PCDH15: variants seen among roughly 807,000 people sequenced by gnomAD.
PCDH15 encodes protocadherin-15.
PCDH15 carries 129 observed loss-of-function variants against 178.5 expected under a neutral mutation model. The ratio of observed to expected loss-of-function variants is 0.72; its 90% CI spans 0.63 to 0.84. The LOEUF is 0.84. PCDH15 is among the 40% of genes least tolerant of loss of function. PCDH15 has a pLI of 0.00. For synonymous variants in PCDH15, 800 were observed against 732.0 expected, an observed-to-expected ratio of 1.09 and a Z score of -1.50; for missense variants, 2,230 against 2,099.9, an observed-to-expected ratio of 1.06 and a Z score of -1.21.
intron 28 of PCDH15, among the ~76,000 whole-genome samples, chr10:53,855,904 G>GTGTATATATATATATATATATATATATA (rs1554832765): frequency 5.5e-5 from 6 of 109,688 alleles, no homozygotes; most frequent in African/African-American, 1.9e-4. Flanking sequence ...AAGGTGATAT[G>GTGTATATATATATATATATATATATATA]TATATATATA....
intron 3 of PCDH15, among the ~76,000 whole-genome samples, chr10:54,849,191 T>C (rs563411316): frequency 1.3e-5 from 2 of 152,058 alleles, no homozygotes; most frequent in Admixed American, 6.6e-5. Flanking sequence ...CTTTCTTCAA[T>C]GAAAAAAAAA....
intron 2 of PCDH15, among the ~76,000 whole-genome samples, chr10:55,520,679 T>A (rs1017851653): frequency 1.3e-5 from 2 of 151,540 alleles, no homozygotes; most frequent in South Asian, 4.2e-4. Flanking sequence ...TTCAAATGAT[T>A]GAGAATGATA....
At chr10:54,869,276 G>A (rs908270787) in intron 3 of PCDH15, among the ~76,000 whole-genome samples, 1 of 152,118 alleles carries the variant, frequency 6.6e-6, no homozygotes, top group Non-Finnish European at 1.5e-5. Flanking sequence ...CATACCACAA[G>A]TATCTGGAAG....
At chr10:54,733,957 A>G (rs1176911749) in intron 1 of PCDH15, among the ~76,000 whole-genome samples, 1 of 151,326 alleles carries the variant, frequency 6.6e-6, no homozygotes, top group African/African-American at 2.4e-5. Flanking sequence ...AAGGATATAG[A>G]TATAATATAG....
intron 1 of PCDH15, among the ~76,000 whole-genome samples, chr10:55,196,768 G>C (rs1301956799): frequency 6.6e-6 from 1 of 151,930 alleles, no homozygotes; most frequent in Admixed American, 6.6e-5. Flanking sequence ...ATACGGACGA[G>C]TTTTGTCTTT....
chr10:53,859,595 G>C (rs1458064298), intron 27 of PCDH15, among the ~76,000 whole-genome samples: 1 of 151,692 alleles, frequency 6.6e-6, no homozygotes, highest in Non-Finnish European at 1.5e-5. Context: ...CATTCATCCT[G>C]CCCAGGCCTT....
intron 2 of PCDH15, among the ~76,000 whole-genome samples, chr10:54,897,823 C>G (rs1954570477): frequency 6.6e-6 from 1 of 152,238 alleles, no homozygotes; most frequent in African/African-American, 2.4e-5. Flanking sequence ...GGAAATAATG[C>G]ATAAGGCATA....
intron 3 of PCDH15, among the ~76,000 whole-genome samples, chr10:54,868,719 A>G (rs931086602): frequency 6.6e-6 from 1 of 152,196 alleles, no homozygotes; most frequent in African/African-American, 2.4e-5. Flanking sequence ...CCATCAGTGT[A>G]TCACAGAGTC....
intron 2 of PCDH15, among the ~76,000 whole-genome samples, chr10:55,598,200 G>C (rs995884195): frequency 2.0e-5 from 3 of 151,912 alleles, no homozygotes; most frequent in African/African-American, 7.3e-5. Flanking sequence ...AAGGTCTTCA[G>C]TCAACAAAGT....
chr10:55,296,831 T>A (rs1162315365), intron 1 of PCDH15, among the ~76,000 whole-genome samples: 1 of 152,172 alleles, frequency 6.6e-6, no homozygotes, highest in Admixed American at 6.6e-5. Flanking sequence ...AATACATAAT[T>A]ATTTCATCAA....
chr10:55,062,730 G>A (rs952817768), intron 2 of PCDH15, among the ~76,000 whole-genome samples: 4 of 152,108 alleles, frequency 2.6e-5, no homozygotes, highest in African/African-American at 4.8e-5. Context: ...AAGGTAAACT[G>A]TGGACTTTGG....
At chr10:55,071,320 A>C (rs899350713) in intron 2 of PCDH15, among the ~76,000 whole-genome samples, 3 of 151,852 alleles carry the variant, frequency 2.0e-5, no homozygotes, top group South Asian at 2.1e-4. Flanking sequence ...GACAGAGTCA[A>C]GACCCATCAG....
intron 3 of PCDH15, among the ~76,000 whole-genome samples, chr10:54,392,272 C>G (rs1181017830): frequency 4.9e-5 from 4 of 81,096 alleles, no homozygotes; most frequent in Non-Finnish European, 9.5e-5. Context: ...CAAGGTCAGT[C>G]TGGTCAACAT....
chr10:54,277,611 C>T (rs12263140), intron 8 of PCDH15, among the ~76,000 whole-genome samples: 74,532 of 151,306 alleles, frequency 0.49, 19,360 homozygotes, highest in Middle Eastern at 0.6. Flanking sequence ...GTTGTTTACC[C>T]GAAATTCAAA....
At chr10:55,175,999 G>A (rs201227793) in intron 1 of PCDH15, among the ~76,000 whole-genome samples, 2 of 152,044 alleles carry the variant, frequency 1.3e-5, no homozygotes, top group Admixed American at 6.5e-5. Flanking sequence ...GCAGGTTACC[G>A]GGTACAGATA....
chr10:55,574,401 T>C (rs11004913), intron 2 of PCDH15, among the ~76,000 whole-genome samples: 51,889 of 151,784 alleles, frequency 0.34, 9,137 homozygotes, highest in East Asian at 0.49. Flanking sequence ...TCCTAACCTC[T>C]TCCCTCTTAG....
At chr10:55,213,995 T>C (rs1373411668) in intron 1 of PCDH15, among the ~76,000 whole-genome samples, 1 of 151,978 alleles carries the variant, frequency 6.6e-6, no homozygotes, top group East Asian at 1.9e-4. Context: ...CATTACCTAG[T>C]TTCCATTAGA....
chr10:54,914,442 A>T (rs1954868864), intron 2 of PCDH15, among the ~76,000 whole-genome samples: 1 of 152,158 alleles, frequency 6.6e-6, no homozygotes, highest in Non-Finnish European at 1.5e-5. Context: ...ACATAAATAA[A>T]AATTGTTTTA....
intron 2 of PCDH15, among the ~76,000 whole-genome samples, chr10:55,098,922 GAGAGAGA>G: frequency 6.8e-6 from 1 of 146,930 alleles, no homozygotes; most frequent in South Asian, 2.2e-4. Flanking sequence ...GAGAGAGAGA[GAGAGAGA>G]GAGAGCTCTT....
Sources: gnomAD v4.1 joint callset for allele counts (sites outside exome capture counted in the v4.1 genomes callset) on GRCh38, gnomAD v4.1.1 for gene constraint, MANE v1.5 for transcripts, NCBI Gene and HGNC (gene_info 2026-07-23, HGNC 2026-07-21) for gene names.